Variants in DPY19L4 observed in about 807,000 individuals in gnomAD.
The protein encoded by DPY19L4 is probable C-mannosyltransferase DPY19L4.
In DPY19L4, 97 loss-of-function variants were observed where a neutral mutation model predicts 102.8. The ratio of observed to expected loss-of-function variants is 0.94; its 90% CI spans 0.80 to 1.12. The LOEUF (loss-of-function observed/expected upper bound fraction) is 1.12, where lower values mean the gene tolerates loss of function less well. Ranked by LOEUF, DPY19L4 falls within the 50% of genes most tolerant of loss-of-function variation. The probability of loss-of-function intolerance (pLI) is 0.00; values close to 1 mark genes in which losing one functional copy is unlikely to be tolerated. For missense variants in DPY19L4, 815 were observed against 850.4 expected (o/e 0.96, Z 0.52); for synonymous variants, 252 against 283.1 (o/e 0.89, Z 1.10).
In DPY19L4 at chr8:94,776,923, A is replaced by G. The variant is rs2130919550; in HGVS notation, c.1455-743A>G. ...GGGGTTGCAGTGAGCCAAGATCACAACCACTGTACTCTAGCCTGGGCGACA... is the reference window on the plus strand; with the variant it reads ...GGGGTTGCAGTGAGCCAAGATCACAGCCACTGTACTCTAGCCTGGGCGACA... On this transcript the variant is annotated intron_variant, in intron 13 of 18. Transcript: ENST00000414645. Among the ~76,000 whole-genome samples, 2 of 148,106 alleles carry G rather than the reference A, an allele frequency of 1.4e-5. 1 individual carries two copies. The highest frequency in any genetic ancestry group is 4.3e-4 in the South Asian group (2 of 4,630).
At chr8:94,782,538 ATGAAATAAC>A (rs1813478391) in intron 16 of DPY19L4, among the ~76,000 whole-genome samples, 1 of 147,154 alleles carries the variant, frequency 6.8e-6, no homozygotes. Flanking sequence ...GATGGAAACT[ATGAAATAAC>A]TACATTGAAA....
rs1191754042 is a variant in DPY19L4 at position 94,739,678 on chromosome 8, A to T, written c.499A>T (p.Ile167Phe). Residue 167 changes from isoleucine (I) to phenylalanine (F), a missense_variant, in exon 6 of 19, where the codon ATT becomes TTT. Ile to Phe is a conservative substitution (Grantham distance 21, BLOSUM62 0). Transcript: ENST00000414645. ...TGAGCCAGTGTATTTCTATATTGGC[A>T]TTGTTTTTGGATTGCAAGGAATATA... ...IIEPVYFYIG[I>F]VFGLQGIYVT... 15 of 1,613,846 alleles carry T rather than the reference A, an allele frequency of 9.3e-6. No homozygotes were observed. The highest frequency in any genetic ancestry group is 1.3e-5 in the Non-Finnish European group (15 of 1,179,968).
chr8:94,726,527 A>G (rs940703273), intron 2 of DPY19L4, 86 bp downstream of exon 2: 5 of 1,099,152 alleles, frequency 4.5e-6, no homozygotes, highest in Non-Finnish European at 5.1e-6. Flanking sequence ...TTAAATATAC[A>G]TATTTTGAGA....
rs1054564385 is a variant in DPY19L4 at position 94,777,611 on chromosome 8, GATA to G, written c.1455-49_1455-47del. 35 of 1,544,282 alleles carry G rather than the reference GATA, an allele frequency of 2.3e-5. No individual in the cohort carries two copies. In the African/African-American group the frequency reaches 2.9e-4, roughly 13 times the overall value. ...GAAAGAGCTCAGAGAACAAAAATTA[GATA>G]ATAATGATGTTCACAGGATGTCTCA... On this transcript the variant is annotated intron_variant, in intron 13 of 18. Transcript: ENST00000414645.
chr8:94,726,511 A>G, intron 2 of DPY19L4, 70 bp downstream of exon 2: 1 of 1,193,682 alleles, frequency 8.4e-7, no homozygotes, highest in Admixed American at 2.6e-5. Flanking sequence ...ATTTTATGTC[A>G]ATATTTTAAA....
Position 94,734,782 on chromosome 8 carries a change from A to G in DPY19L4, c.252+28A>G, listed in dbSNP as rs754108557. The G allele has an allele frequency of 6.8e-6, 11 of 1,612,268 alleles. 1 individual carries two copies. In the Admixed American group the frequency reaches 1.8e-4, roughly 27 times the overall value. On this transcript the variant is annotated intron_variant, in intron 3 of 18. Coordinates refer to ENST00000414645, the MANE Select transcript of DPY19L4 (RefSeq NM_181787.3). The stretch of plus-strand genomic sequence containing the variant: ...AAGAAGAAAGAATTTTGAGCATATG[A>G]AAGTTATTTTCCCAGGGAACCAGAA...
intron 17 of DPY19L4, among the ~76,000 whole-genome samples, chr8:94,784,032 C>T (rs1014168484): frequency 2.6e-5 from 4 of 152,158 alleles, no homozygotes; most frequent in Non-Finnish European, 5.9e-5. Flanking sequence ...TGATATGTTT[C>T]TAGGAAAAAT....
intron 15 of DPY19L4, 59 bp downstream of exon 15, chr8:94,780,474 A>C: frequency 9.0e-7 from 1 of 1,106,252 alleles, no homozygotes; most frequent in Non-Finnish European, 1.2e-6. Context: ...GGTAGTGATA[A>C]ATTTATATGT....
intron 2 of DPY19L4, 101 bp from the exon 3 acceptor site, chr8:94,734,529 G>T: frequency 8.2e-7 from 1 of 1,218,002 alleles, no homozygotes; most frequent in Non-Finnish European, 1.1e-6. Flanking sequence ...CTCGAGTTGT[G>T]GGTTTTGGGG....
intron 17 of DPY19L4, among the ~76,000 whole-genome samples, chr8:94,784,673 A>G (rs1237723515): frequency 2.0e-5 from 3 of 152,160 alleles, no homozygotes; most frequent in Admixed American, 1.3e-4. Context: ...CAGGTGATCC[A>G]CCTGCCTTGG....
At chr8:94,764,717 ATTTTTT>A (rs869220296) in intron 8 of DPY19L4, among the ~76,000 whole-genome samples, 611 of 28,620 alleles carry the variant, frequency 0.021, 3 homozygotes, top group Middle Eastern at 0.036. Flanking sequence ...ATATATATAT[ATTTTTT>A]TTTTTTTTTT....
intron 2 of DPY19L4, among the ~76,000 whole-genome samples, chr8:94,733,748 G>A (rs1426447026): frequency 6.6e-6 from 1 of 151,916 alleles, no homozygotes; most frequent in Admixed American, 6.6e-5. Flanking sequence ...CACCAGGTTG[G>A]CCAGGCTGGT....
chr8:94,755,871 C>T (rs555652654), intron 6 of DPY19L4, among the ~76,000 whole-genome samples, 165 bp from the exon 7 acceptor site: 4 of 150,430 alleles, frequency 2.7e-5, no homozygotes, highest in East Asian at 3.9e-4. Flanking sequence ...GACGACAGAG[C>T]GAGACTCCAT....
chr8:94,746,624 C>T (rs1172018901), intron 6 of DPY19L4, among the ~76,000 whole-genome samples: 1 of 152,156 alleles, frequency 6.6e-6, no homozygotes, highest in Non-Finnish European at 1.5e-5. Context: ...AAGTTATTCT[C>T]ATGGATTCAT....
intron 6 of DPY19L4, among the ~76,000 whole-genome samples, chr8:94,742,544 C>A (rs1451668438): frequency 6.7e-5 from 10 of 149,176 alleles, no homozygotes; most frequent in African/African-American, 2.5e-4. Flanking sequence ...AGGCACATGC[C>A]ACCATGCCTG....
chr8:94,763,168 C>T lies in DPY19L4; in HGVS notation c.870+1334C>T, dbSNP rs4735319. 8.7e-4 allele frequency among the ~76,000 whole-genome samples: 131 copies of T among 151,106 alleles called. 2 individuals carry two copies. In the East Asian group the frequency reaches 0.024, roughly 28 times the overall value. On this transcript the variant is annotated intron_variant, in intron 8 of 18. Coordinates refer to ENST00000414645, the MANE Select transcript of DPY19L4 (RefSeq NM_181787.3). Reference sequence around the variant, plus strand: ...TTCACCATGTTAGCCAGGCTGATCTCGAACTCCTGACCTTGTGATCTGCCC... The same window carrying T: ...TTCACCATGTTAGCCAGGCTGATCTTGAACTCCTGACCTTGTGATCTGCCC...
intron 16 of DPY19L4, among the ~76,000 whole-genome samples, chr8:94,783,055 G>T (rs1383593318): frequency 6.6e-6 from 1 of 150,588 alleles, no homozygotes; most frequent in South Asian, 2.1e-4. Context: ...AGAGGTGGGT[G>T]CTTAATGTTA....
intron 13 of DPY19L4, among the ~76,000 whole-genome samples, chr8:94,774,114 G>A (rs1297828275): frequency 6.7e-6 from 1 of 150,106 alleles, no homozygotes; most frequent in Admixed American, 6.7e-5. Context: ...TGCCATCACA[G>A]CTCACTGTGC....
intron 15 of DPY19L4, 136 bp downstream of exon 15, chr8:94,780,551 A>T (rs1027514481): frequency 3.5e-6 from 2 of 573,454 alleles, no homozygotes; most frequent in African/African-American, 1.9e-5. Flanking sequence ...GTAATGCTTA[A>T]TTTTTTTTGT....
Sources: allele counts gnomAD v4.1 joint callset (sites outside exome capture counted in the v4.1 genomes callset), GRCh38; gene constraint gnomAD v4.1.1; transcripts MANE v1.5; gene names NCBI Gene and HGNC (gene_info 2026-07-23, HGNC 2026-07-21).